NRG1: variants seen among roughly 807,000 people sequenced by gnomAD.
NRG1 encodes neuregulin 1.
A neutral mutation model predicts 63.8 loss-of-function variants in NRG1; 18 were observed. The observed-to-expected ratio is 0.28, with a 90% CI of 0.19 to 0.42. The LOEUF (loss-of-function observed/expected upper bound fraction) is 0.42. Among genes scored for constraint, NRG1 ranks in the 10% least tolerant of loss-of-function variants. The pLI, the probability that NRG1 is intolerant of heterozygous loss-of-function variation, is 1.00. For missense variants in NRG1, 762 were observed against 814.7 expected (o/e 0.94, Z 0.79); for synonymous variants, 302 against 301.3 (o/e 1.00, Z -0.02).
At chr8:32,217,849 AC>A (rs1845405728) in intron 1 of NRG1, among the ~76,000 whole-genome samples, 1 of 152,148 alleles carries the variant, frequency 6.6e-6, no homozygotes, top group Non-Finnish European at 1.5e-5. Context: ...ATTCTAGCTT[AC>A]CCCTAGTATA....
At chr8:32,274,380 G>A (rs563589904) in intron 1 of NRG1, among the ~76,000 whole-genome samples, 12 of 152,272 alleles carry the variant, frequency 7.9e-5, no homozygotes, top group African/African-American at 4.8e-5. Flanking sequence ...GGGTAAGTAC[G>A]GGATAGGTGG....
chr8:32,556,855 A>T (rs535701758), intron 1 of NRG1, among the ~76,000 whole-genome samples: 100 of 152,364 alleles, frequency 6.6e-4, no homozygotes, highest in African/African-American at 2.4e-3. Context: ...TAGCAATCCC[A>T]CAGGGAATCT....
At chr8:31,864,779 A>G (rs886795881) in intron 1 of NRG1, among the ~76,000 whole-genome samples, 3 of 152,184 alleles carry the variant, frequency 2.0e-5, no homozygotes. Context: ...TGCATTTTGA[A>G]GAATCTCTGC....
intron 1 of NRG1, chr8:32,099,257 T>C (rs534824568): frequency 6.6e-6 from 1 of 152,388 alleles, no homozygotes; most frequent in South Asian, 2.1e-4. Context: ...TGATAGTAAG[T>C]TGGGCATGAG....
At chr8:32,100,720 A>G (rs1267355344) in intron 1 of NRG1, among the ~76,000 whole-genome samples, 1 of 152,176 alleles carries the variant, frequency 6.6e-6, no homozygotes, top group African/African-American at 2.4e-5. Flanking sequence ...TTGGCCATTG[A>G]CGGGAGAACA....
chr8:32,344,366 C>CTTTT (rs768165747), intron 1 of NRG1, among the ~76,000 whole-genome samples: 3 of 53,360 alleles, frequency 5.6e-5, no homozygotes, highest in African/African-American at 1.9e-4. Context: ...TTCTTTCTTT[C>CTTTT]TTTCTTTCTT....
chr8:32,134,412 A>C (rs1835244219), intron 1 of NRG1, among the ~76,000 whole-genome samples: 1 of 152,152 alleles, frequency 6.6e-6, no homozygotes, highest in Non-Finnish European at 1.5e-5. Context: ...GATACCTTTC[A>C]TGTACATGCA....
At chr8:32,166,373 T>C (rs1839403228) in intron 1 of NRG1, among the ~76,000 whole-genome samples, 1 of 152,182 alleles carries the variant, frequency 6.6e-6, no homozygotes, top group Admixed American at 6.5e-5. Context: ...AGTTTGCCAA[T>C]TGAAATGCAG....
intron 5 of NRG1, among the ~76,000 whole-genome samples, chr8:32,667,726 A>G (rs1804564900): frequency 6.6e-6 from 1 of 152,150 alleles, no homozygotes; most frequent in South Asian, 2.1e-4. Flanking sequence ...ATCATTTATA[A>G]GATCTCTCAT....
intron 1 of NRG1, among the ~76,000 whole-genome samples, chr8:31,891,668 C>G (rs1831155451): frequency 4.6e-5 from 7 of 152,154 alleles, no homozygotes; most frequent in Admixed American, 4.6e-4. Context: ...CTTGTGTTCA[C>G]ATAGAAACCT....
chr8:31,845,155 C>T (rs1826571839), intron 1 of NRG1, among the ~76,000 whole-genome samples: 1 of 150,692 alleles, frequency 6.6e-6, no homozygotes, highest in Non-Finnish European at 1.5e-5. Flanking sequence ...AACAGCAAAG[C>T]TTCTATGAAT....
chr8:31,737,471 A>T (rs1466904092), intron 1 of NRG1, among the ~76,000 whole-genome samples: 3 of 152,168 alleles, frequency 2.0e-5, no homozygotes, highest in African/African-American at 7.2e-5. Flanking sequence ...CTTACTAGGG[A>T]CACAATAAAT....
intron 6 of NRG1, among the ~76,000 whole-genome samples, chr8:32,731,644 A>G (rs1468689396): frequency 6.6e-6 from 1 of 152,160 alleles, no homozygotes. Flanking sequence ...ATTTTTTTAA[A>G]TCCTGTATGT....
At chr8:32,127,135 T>G (rs1317281467) in intron 1 of NRG1, among the ~76,000 whole-genome samples, 1 of 151,946 alleles carries the variant, frequency 6.6e-6, no homozygotes, top group Non-Finnish European at 1.5e-5. Context: ...TAAGCTCTAT[T>G]TATGTTTCCT....
intron 1 of NRG1, among the ~76,000 whole-genome samples, chr8:31,783,523 A>G (rs1317189037): frequency 1.3e-5 from 2 of 151,256 alleles, no homozygotes; most frequent in East Asian, 2.0e-4. Context: ...TATAAATGCC[A>G]TTGCAGTAGC....
intron 1 of NRG1, among the ~76,000 whole-genome samples, chr8:32,592,963 AT>A (rs1407890624): frequency 2.0e-5 from 3 of 152,196 alleles, no homozygotes; most frequent in African/African-American, 7.2e-5. Context: ...ACTTATATGT[AT>A]TATATATGGT....
chr8:32,385,108 C>T (rs1008761480), intron 1 of NRG1, among the ~76,000 whole-genome samples: 1 of 152,210 alleles, frequency 6.6e-6, no homozygotes, highest in Non-Finnish European at 1.5e-5. Context: ...CAAGCTCCGC[C>T]TCCCAGGTGC....
At chr8:31,670,399 A>C (rs1807006853) in intron 1 of NRG1, among the ~76,000 whole-genome samples, 1 of 152,106 alleles carries the variant, frequency 6.6e-6, no homozygotes, top group African/African-American at 2.4e-5. Context: ...TTATCCTTTC[A>C]ATCAAAGATC....
At chr8:31,658,637 ATTTT>A (rs1427881141) in intron 1 of NRG1, among the ~76,000 whole-genome samples, 1 of 152,000 alleles carries the variant, frequency 6.6e-6, no homozygotes, top group Non-Finnish European at 1.5e-5. Flanking sequence ...TAATTTTTGT[ATTTT>A]TTGTAGAGAC....
Sources: allele counts gnomAD v4.1 joint callset (sites outside exome capture counted in the v4.1 genomes callset), GRCh38; gene constraint gnomAD v4.1.1; transcripts MANE v1.5; gene names NCBI Gene and HGNC (gene_info 2026-07-23, HGNC 2026-07-21).